Variants in LIPI observed in about 807,000 individuals in gnomAD.
The protein encoded by LIPI is lipase I.
In LIPI, 59 loss-of-function variants were observed where a neutral mutation model predicts 50.6. That is an observed-to-expected ratio of 1.16 (90% CI 0.94 to 1.45). LIPI has a LOEUF of 1.45. Among genes scored for constraint, LIPI ranks in the 40% most tolerant of loss-of-function variants. The probability of loss-of-function intolerance (pLI) is 0.00; values close to 1 mark genes in which losing one functional copy is unlikely to be tolerated. For synonymous variants in LIPI, 203 were observed against 178.2 expected, an observed-to-expected ratio of 1.14 and a Z score of -1.11; for missense variants, 586 against 536.3, an observed-to-expected ratio of 1.09 and a Z score of -0.92.
chr21:14,176,351 T>C (rs1255377595), intron 4 of LIPI, among the ~76,000 whole-genome samples: 1 of 152,036 alleles, frequency 6.6e-6, no homozygotes, highest in Non-Finnish European at 1.5e-5. Flanking sequence ...TTTCTGTGTG[T>C]TTCTATCGTT....
intron 4 of LIPI, among the ~76,000 whole-genome samples, chr21:14,176,581 T>A (rs2019104160): frequency 6.6e-6 from 1 of 151,816 alleles, no homozygotes; most frequent in South Asian, 2.1e-4. Context: ...CTTTCAAAAA[T>A]GTATGGATTT....
At chr21:14,194,306 C>T (rs531027346) in intron 1 of LIPI, among the ~76,000 whole-genome samples, 1 of 152,168 alleles carries the variant, frequency 6.6e-6, no homozygotes, top group African/African-American at 2.4e-5. Context: ...TCTGTATATA[C>T]ACCCAAAAGA....
At chr21:14,176,293 T>G (rs539539531) in intron 4 of LIPI, among the ~76,000 whole-genome samples, 2 of 152,154 alleles carry the variant, frequency 1.3e-5, no homozygotes, top group South Asian at 4.1e-4. Context: ...TTCATAATTT[T>G]TATTCCATTA....
chr21:14,112,944 C>A (rs1467781781), intron 9 of LIPI, among the ~76,000 whole-genome samples: 3 of 152,072 alleles, frequency 2.0e-5, no homozygotes, highest in Non-Finnish European at 4.4e-5. Context: ...CTATTTCCAC[C>A]TGCCATGTGA....
At chr21:14,174,503 C>T (rs2019026027) in intron 4 of LIPI, among the ~76,000 whole-genome samples, 1 of 150,094 alleles carries the variant, frequency 6.7e-6, no homozygotes, top group Non-Finnish European at 1.5e-5. Flanking sequence ...CCCCTAATCG[C>T]TAACCCATCA....
intron 7 of LIPI, among the ~76,000 whole-genome samples, chr21:14,155,385 G>A (rs1228922338): frequency 6.6e-6 from 1 of 151,918 alleles, no homozygotes; most frequent in Non-Finnish European, 1.5e-5. Flanking sequence ...TAGAGTGTCA[G>A]AAAGAGAAGA....
intron 4 of LIPI, among the ~76,000 whole-genome samples, chr21:14,168,322 T>A (rs9680285): frequency 6.6e-6 from 1 of 151,892 alleles, no homozygotes. Flanking sequence ...TTCCCCAATC[T>A]AGCGAGGAAG....
intron 9 of LIPI, among the ~76,000 whole-genome samples, chr21:14,114,028 A>G (rs753658858): frequency 6.6e-6 from 1 of 152,138 alleles, no homozygotes; most frequent in African/African-American, 2.4e-5. Flanking sequence ...TCTACAAAAA[A>G]TTAGCCAGGC....
chr21:14,156,393 T>G (rs2018271661), intron 7 of LIPI, among the ~76,000 whole-genome samples: 1 of 151,794 alleles, frequency 6.6e-6, no homozygotes, highest in African/African-American at 2.4e-5. Flanking sequence ...ATATGAAGAC[T>G]CAGCCCACTA....
At chr21:14,168,055 C>A (rs926593790) in intron 4 of LIPI, among the ~76,000 whole-genome samples, 8 of 152,032 alleles carry the variant, frequency 5.3e-5, no homozygotes, top group Non-Finnish European at 7.4e-5. Flanking sequence ...GGCTCGAGAA[C>A]TATGTGAAGA....
intron 9 of LIPI, among the ~76,000 whole-genome samples, chr21:14,134,060 T>C (rs1483962923): frequency 6.6e-6 from 1 of 151,958 alleles, no homozygotes; most frequent in Non-Finnish European, 1.5e-5. Flanking sequence ...AACCCATTTC[T>C]ACAAAAATAA....
intron 1 of LIPI, among the ~76,000 whole-genome samples, chr21:14,196,299 A>C (rs78217374): frequency 0.018 from 2,782 of 152,292 alleles, 76 homozygotes; most frequent in African/African-American, 0.063. Flanking sequence ...ATGCTGAGCA[A>C]AAGACTCCAG....
At chr21:14,202,574 A>C (rs868485316) in intron 1 of LIPI, among the ~76,000 whole-genome samples, 3,927 of 152,114 alleles carry the variant, frequency 0.026, 73 homozygotes, top group Non-Finnish European at 0.041. Flanking sequence ...GAAAAACAAG[A>C]AATGGGGAAA....
At chr21:14,165,560 A>G (rs1027138231) in intron 5 of LIPI, among the ~76,000 whole-genome samples, 170 bp from the exon 6 acceptor site, 35 of 152,196 alleles carry the variant, frequency 2.3e-4, no homozygotes. Context: ...TACCAATGAA[A>G]ACTTAAATTT....
At position 14,189,281 on chromosome 21, in the gene LIPI, TG is replaced by T. The variant is rs1479320507; in HGVS notation, c.184del (p.Gln62LysfsTer25). 1.2e-6 allele frequency: 2 copies of T among 1,613,962 alleles called. No individual in the cohort carries two copies. The highest frequency in any genetic ancestry group is 2.2e-5 in the South Asian group (2 of 91,088). On this transcript the variant is annotated frameshift_variant, in exon 2 of 10. Transcript: ENST00000681601. LOFTEE classifies it high-confidence loss of function. Reference protein sequence around the residue: ...NLNCAEPLFEQNNSLNVNFNT... With the variant: ...NLNCAEPLFEXNNSLNVNFNT... ...GAAATTAACATTAAGTGAGTTATTT[TG>T]TTCAAACAGTGGCTCAGCACAGTTT...
At chr21:14,202,828 C>G (rs372868821) in intron 1 of LIPI, among the ~76,000 whole-genome samples, 21,031 of 151,752 alleles carry the variant, frequency 0.14, 1,916 homozygotes, top group South Asian at 0.21. Flanking sequence ...CCAAAACTGA[C>G]AAATGGGATC....
intron 9 of LIPI, among the ~76,000 whole-genome samples, chr21:14,114,314 C>T (rs552592301): frequency 2.0e-5 from 3 of 152,222 alleles, no homozygotes; most frequent in South Asian, 2.1e-4. Context: ...ATGGGAACTA[C>T]AATCAGACCC....
Position 14,130,277 on chromosome 21 carries a change from T to G in LIPI, c.1295+14346A>C, listed in dbSNP as rs530068044. Among the ~76,000 whole-genome samples the G allele has an allele frequency of 7.0e-4, 106 of 152,172 alleles. 1 individual carries two copies. The highest frequency in any genetic ancestry group is 2.9e-3 in the Admixed American group (44 of 15,290). On this transcript the variant is annotated intron_variant, in intron 9 of 9. Coordinates refer to ENST00000681601, the MANE Select transcript of LIPI (RefSeq NM_001302998.2). ...ATCGTGTGAACCCTGGATGCGGAAG[T>G]TGCAGTGAGCCGAGATTGTGCTATT...
At chr21:14,197,210 C>T (rs966840870) in intron 1 of LIPI, among the ~76,000 whole-genome samples, 15 of 151,656 alleles carry the variant, frequency 9.9e-5, no homozygotes, top group African/African-American at 3.6e-4. Flanking sequence ...TAACAGAATG[C>T]TTTTTTATTT....
Sources: allele counts gnomAD v4.1 joint callset (sites outside exome capture counted in the v4.1 genomes callset), GRCh38; gene constraint gnomAD v4.1.1; transcripts MANE v1.5; gene names NCBI Gene and HGNC (gene_info 2026-07-23, HGNC 2026-07-21).